SBNO2: variants seen among roughly 807,000 people sequenced by gnomAD.
SBNO2 encodes the protein strawberry notch homolog 2, also known as protein strawberry notch homolog 2.
SBNO2 carries 89 observed loss-of-function variants against 146.3 expected under a neutral mutation model. The ratio of observed to expected loss-of-function variants is 0.61; its 90% CI spans 0.51 to 0.73. The LOEUF is 0.73. Among genes scored for constraint, SBNO2 ranks in the 30% least tolerant of loss-of-function variants. SBNO2 has a pLI of 0.00. For synonymous variants in SBNO2, 1,147 were observed against 892.6 expected (o/e 1.29, Z -5.08); for missense variants, 2,092 against 2,003.7 (o/e 1.04, Z -0.84).
intron 11 of SBNO2, among the ~76,000 whole-genome samples, chr19:1,121,658 G>A (rs931849875): frequency 4.6e-5 from 7 of 152,180 alleles, no homozygotes; most frequent in African/African-American, 7.2e-5. Flanking sequence ...GCCTGCCGAC[G>A]AGAGCCCTGG....
intron 4 of SBNO2, among the ~76,000 whole-genome samples, 184 bp from the exon 5 acceptor site, chr19:1,127,949 G>A (rs2079985673): frequency 6.6e-6 from 1 of 152,108 alleles, no homozygotes; most frequent in Admixed American, 6.5e-5. Context: ...AAGTAGCAGG[G>A]ATTACAGGTG....
At chr19:1,125,061 G>GT (rs994653915) in intron 5 of SBNO2, among the ~76,000 whole-genome samples, 1 of 151,904 alleles carries the variant, frequency 6.6e-6, no homozygotes, top group African/African-American at 2.4e-5. Flanking sequence ...CATAAAAAAC[G>GT]TAAGCATGGT....
Position 1,123,995 on chromosome 19 carries a change from C to A in SBNO2, c.469G>T (p.Gly157Cys). Reference protein sequence around the residue: ...KLFQLSRPFAGFEDFLPSHST... With the variant: ...KLFQLSRPFACFEDFLPSHST... Reference sequence around the variant, plus strand: ...TGGGAGGGCAGAAAGTCCTCGAAGCCTGCAAACGGCCTGCTGAGCTGGAAC... The same window carrying A: ...TGGGAGGGCAGAAAGTCCTCGAAGCATGCAAACGGCCTGCTGAGCTGGAAC... Residue 157 changes from glycine to cysteine, a missense_variant, in exon 6 of 32, where the codon GGC becomes TGC. Coordinates refer to ENST00000361757, the MANE Select transcript of SBNO2 (RefSeq NM_014963.3). 1 of 1,611,958 alleles carries A rather than the reference C, an allele frequency of 6.2e-7. No homozygotes were observed. The highest frequency in any genetic ancestry group is 8.5e-7 in the Non-Finnish European group (1 of 1,179,346).
At position 1,109,223 on chromosome 19, in the gene SBNO2, G is replaced by A. The variant is rs745695455; in HGVS notation, c.3349-12C>T. 1.3e-6 allele frequency: 2 copies of A among 1,569,628 alleles called. No homozygotes were observed. Among genetic ancestry groups the A allele is most frequent in the Non-Finnish European group, 1.7e-6 (2 of 1,158,132 alleles). ...TCCTCCGCGGTGACCTAGGGACACA[G>A]GGCCGCATGAGCCTGGGCGGGGTCA... On this transcript the variant is annotated splice_polypyrimidine_tract_variant and intron_variant, in intron 29 of 31. Coordinates refer to ENST00000361757, the MANE Select transcript of SBNO2 (RefSeq NM_014963.3). This position sits in a 1 kb window ranked among gnomAD's most constrained non-coding sequence, Gnocchi z 4.2.
chr19:1,111,545 G>A lies in SBNO2; in HGVS notation c.2770C>T (p.Pro924Ser), dbSNP rs1424501960. The A allele has an allele frequency of 3.8e-6, 6 of 1,595,154 alleles. No individual in the cohort carries two copies. Among genetic ancestry groups the A allele is most frequent in the Non-Finnish European group, 5.1e-6 (6 of 1,171,294 alleles). ...LSQTENKVPV[P>S]QGYPGGVPTF... ...GGGACCCCTCCAGGGTATCCCTGGGGCACAGGCACTTTGTTCTCAGTCTGG... is the reference window on the plus strand; with the variant it reads ...GGGACCCCTCCAGGGTATCCCTGGGACACAGGCACTTTGTTCTCAGTCTGG... Residue 924 changes from proline to serine, a missense_variant, in exon 24 of 32, where the codon CCC (proline) becomes TCC (serine). Physicochemically the swap from Pro to Ser is moderately conservative, Grantham distance 74 (BLOSUM62 -1). Transcript: ENST00000361757.
chr19:1,125,978 AGT>A (rs1297553411), intron 5 of SBNO2, among the ~76,000 whole-genome samples: 1 of 152,218 alleles, frequency 6.6e-6, no homozygotes, highest in Non-Finnish European at 1.5e-5. Flanking sequence ...TGGGCGACAG[AGT>A]GAGATCCCGT....
rs2079716773 is a variant in SBNO2, at chr19:1,109,074, C to T, written c.3425+61G>A. 19 of 1,533,260 alleles carry T rather than the reference C, an allele frequency of 1.2e-5. No homozygotes were observed. The highest frequency in any genetic ancestry group is 2.0e-5 in the Admixed American group (1 of 50,268). The allele number at this position is 1,533,260 out of a possible 1,614,324, so 95.0% of individuals were successfully genotyped here. ...CTCCTCTCAGGGTCTCGGGAGCCCC[C>T]GATCCCCGCCTGGGTCGCCGCCATC... is the stretch of plus-strand genomic sequence containing the variant. On this transcript the variant is annotated intron_variant, in intron 30 of 31. Coordinates refer to ENST00000361757, the MANE Select transcript of SBNO2 (RefSeq NM_014963.3). This position sits in a 1 kb window ranked among gnomAD's most constrained non-coding sequence, Gnocchi z 4.2.
chr19:1,112,657 G>C lies in SBNO2; in HGVS notation c.2380-120C>G. On this transcript the variant is annotated intron_variant, in intron 20 of 31. Coordinates refer to ENST00000361757, the MANE Select transcript of SBNO2 (RefSeq NM_014963.3). This position sits in a 1 kb window ranked among gnomAD's most constrained non-coding sequence, Gnocchi z 5.9. ...CCAGGACGTCCCGGGGCAGCGAGAG[G>C]CCTGCGGGGCGCGGACACCACCCGC... 6.2e-6 allele frequency: 9 copies of C among 1,444,106 alleles called. No homozygotes were observed. Among genetic ancestry groups the C allele is most frequent in the Non-Finnish European group, 8.2e-6 (9 of 1,094,694 alleles). The allele number at this position is 1,444,106 out of a possible 1,614,324, so 89.5% of individuals were successfully genotyped here. A position where few individuals can be genotyped will look rare whatever the true frequency, so the allele number is the denominator to read the frequency against.
At chr19:1,129,660 C>T (rs1196049444) in intron 4 of SBNO2, among the ~76,000 whole-genome samples, 2 of 152,228 alleles carry the variant, frequency 1.3e-5, no homozygotes, top group African/African-American at 4.8e-5. Flanking sequence ...TGACCTGTGG[C>T]CCGGACCCTC....
In SBNO2 at chr19:1,158,650, G is replaced by C. The variant is rs377657653; in HGVS notation, c.-126-4248C>G. The stretch of plus-strand genomic sequence containing the variant: ...CGGCGAGGCCCGGGCGAGCGGGCGC[G>C]ACCGTGGTGATGGAGCCCGGCAGAG... On this transcript the variant is annotated intron_variant, in intron 1 of 31. Transcript: ENST00000361757. The surrounding 1 kb of genome is among the most constrained non-coding windows in gnomAD (Gnocchi z 9.9). Among the ~76,000 whole-genome samples the C allele has an allele frequency of 6.6e-6, 1 of 152,162 alleles. No individual in the cohort carries two copies. The highest frequency in any genetic ancestry group is 1.5e-5 in the Non-Finnish European group (1 of 68,022).
In SBNO2 at chr19:1,110,940, G is replaced by A; in HGVS notation, c.2885-52C>T. The A allele has an allele frequency of 6.2e-7, 1 of 1,610,958 alleles. No individual in the cohort carries two copies. Among genetic ancestry groups the A allele is most frequent in the South Asian group, 1.1e-5 (1 of 91,004 alleles). ...GGCTGCGCTGGGAATCCCTCTCCCT[G>A]CTTTGCTCACCACCCGAGGCCAAGG... On this transcript the variant is annotated intron_variant, in intron 25 of 31. Transcript: ENST00000361757. This position sits in a 1 kb window ranked among gnomAD's most constrained non-coding sequence, Gnocchi z 4.9.
chr19:1,162,577 G>A (rs1012015490), intron 1 of SBNO2, among the ~76,000 whole-genome samples: 6 of 152,146 alleles, frequency 3.9e-5, no homozygotes, highest in South Asian at 4.2e-4. Flanking sequence ...CTGACGCCCC[G>A]GAGGGACCAG....
chr19:1,122,610 T>TGGCC, intron 9 of SBNO2, 48 bp downstream of exon 9: 1 of 694,606 alleles, frequency 1.4e-6, no homozygotes, highest in Non-Finnish European at 2.0e-6. Context: ...GCCCCCCGCT[T>TGGCC]CCGCCCCCCA....
intron 1 of SBNO2, among the ~76,000 whole-genome samples, chr19:1,155,945 C>T (rs1330997362): frequency 6.6e-6 from 1 of 152,216 alleles, no homozygotes; most frequent in African/African-American, 2.4e-5. Context: ...AGCCCCAGAG[C>T]TACGCTGACC....
chr19:1,136,625 C>T lies in SBNO2; in HGVS notation c.280-8860G>A, dbSNP rs772691689. ...CAAAGACTTCCTGTAAGAAATCCCCCTCTCCCTCTCCCTCCTTCGCTCCCT... is the reference window on the plus strand; with the variant it reads ...CAAAGACTTCCTGTAAGAAATCCCCTTCTCCCTCTCCCTCCTTCGCTCCCT... On this transcript the variant is annotated intron_variant, in intron 4 of 31. Transcript: ENST00000361757. The surrounding 1 kb of genome is among the most constrained non-coding windows in gnomAD (Gnocchi z 4.2). Among the ~76,000 whole-genome samples the T allele has an allele frequency of 6.6e-6, 1 of 152,220 alleles. No individual in the cohort carries two copies. Among genetic ancestry groups the T allele is most frequent in the Non-Finnish European group, 1.5e-5 (1 of 68,024 alleles).
At chr19:1,145,276 G>C (rs2080178869) in intron 4 of SBNO2, among the ~76,000 whole-genome samples, 1 of 146,346 alleles carries the variant, frequency 6.8e-6, no homozygotes, top group African/African-American at 2.6e-5. Context: ...AGACCAGCCT[G>C]ACCAACATGG....
chr19:1,121,827 C>T (rs760373438), intron 11 of SBNO2, among the ~76,000 whole-genome samples: 2 of 152,182 alleles, frequency 1.3e-5, no homozygotes, highest in African/African-American at 2.4e-5. Flanking sequence ...ACCAAGAAAC[C>T]AAGCCGGAGC....
intron 18 of SBNO2, 86 bp downstream of exon 18, chr19:1,114,145 G>T: frequency 8.0e-7 from 1 of 1,257,152 alleles, no homozygotes; most frequent in Non-Finnish European, 1.1e-6. Flanking sequence ...GGAGCCTCAG[G>T]CTGGAATCCT....
chr19:1,117,489 G>T lies in SBNO2; in HGVS notation c.1538C>A (p.Ala513Asp). 1 of 1,580,306 alleles carries T rather than the reference G, an allele frequency of 6.3e-7. No homozygotes were observed. Among genetic ancestry groups the T allele is most frequent in the Non-Finnish European group, 8.6e-7 (1 of 1,164,994 alleles). ...YNRAALLWAE[A>D]LNVFQQAADW... ...GGCCGCCTGCTGGAACACGTTCAGG[G>T]CCTCGGCCCACTGCAATGACACGTC... Residue 513 changes from alanine (A) to aspartate (D), a missense_variant, in exon 15 of 32, where the codon GCC becomes GAC. Coordinates refer to ENST00000361757, the MANE Select transcript of SBNO2 (RefSeq NM_014963.3).
Sources: allele counts gnomAD v4.1 joint callset (sites outside exome capture counted in the v4.1 genomes callset), GRCh38; gene constraint gnomAD v4.1.1; non-coding constraint Gnocchi (gnomAD v3.1); transcripts MANE v1.5; gene names NCBI Gene and HGNC (gene_info 2026-07-23, HGNC 2026-07-21).